The following TUT4 variants were observed in gnomAD, a reference collection of about 807,000 sequenced individuals.
The protein encoded by TUT4 is terminal uridylyltransferase 4.
TUT4 carries 36 observed loss-of-function variants against 192.2 expected under a neutral mutation model. That is an observed-to-expected ratio of 0.19 (90% confidence interval 0.14 to 0.25). The LOEUF is 0.25. TUT4 is among the 10% of genes least tolerant of loss of function. The pLI is 1.00. For synonymous variants in TUT4, 618 were observed against 666.0 expected (o/e 0.93, Z 1.11); for missense variants, 1,493 against 1,957.2 (o/e 0.76, Z 4.47).
intron 9 of TUT4, 107 bp from the exon 10 acceptor site, chr1:52,482,030 A>T: frequency 1.1e-6 from 1 of 899,696 alleles, no homozygotes; most frequent in Non-Finnish European, 1.5e-6. Context: ...TTCAAATGAC[A>T]ATGAAAAATA....
chr1:52,478,994 G>GA (rs373251319), intron 11 of TUT4, among the ~76,000 whole-genome samples: 65 of 150,474 alleles, frequency 4.3e-4, no homozygotes, highest in Admixed American at 9.3e-4. Flanking sequence ...AAGTACTACA[G>GA]AAAAAAAAAG....
chr1:52,506,247 T>C (rs999245703), intron 4 of TUT4, among the ~76,000 whole-genome samples: 1 of 152,244 alleles, frequency 6.6e-6, no homozygotes, highest in South Asian at 2.1e-4. Context: ...AATTTCTGCA[T>C]CTATGTTCAT....
intron 1 of TUT4, among the ~76,000 whole-genome samples, chr1:52,548,170 C>T (rs944409214): frequency 1.3e-5 from 2 of 152,086 alleles, no homozygotes; most frequent in African/African-American, 4.8e-5. Flanking sequence ...ACACCCCTCT[C>T]CAAAAGGTCC....
At chr1:52,504,816 T>C (rs1675100450) in intron 4 of TUT4, among the ~76,000 whole-genome samples, 1 of 152,206 alleles carries the variant, frequency 6.6e-6, no homozygotes, top group Non-Finnish European at 1.5e-5. Context: ...CTCATGTAAG[T>C]GGAATCACAC....
chr1:52,521,943 C>A (rs1571247593), intron 2 of TUT4, among the ~76,000 whole-genome samples: 1 of 151,758 alleles, frequency 6.6e-6, no homozygotes, highest in South Asian at 2.1e-4. Context: ...CCAGCCAGGG[C>A]AAAAGAGCAA....
At chr1:52,448,313 C>T (rs757227179) in intron 20 of TUT4, among the ~76,000 whole-genome samples, 1 of 152,128 alleles carries the variant, frequency 6.6e-6, no homozygotes, top group African/African-American at 2.4e-5. Context: ...TGAGGCCGGG[C>T]GCAGTGGCTC....
chr1:52,437,164 T>C, intron 25 of TUT4, 186 bp from the exon 26 acceptor site: 2 of 664,092 alleles, frequency 3.0e-6, no homozygotes, highest in East Asian at 5.9e-5. Flanking sequence ...CCAGTAGTTT[T>C]GTAAAACAAT....
chr1:52,534,649 T>G (rs1219787930), intron 1 of TUT4, among the ~76,000 whole-genome samples: 1 of 145,426 alleles, frequency 6.9e-6, no homozygotes, highest in Non-Finnish European at 1.5e-5. Context: ...GTTCAGAAGT[T>G]CAAAGCCAGC....
chr1:52,481,761 C>CTA (rs751208527), intron 10 of TUT4, 43 bp downstream of exon 10: 295 of 1,524,396 alleles, frequency 1.9e-4, no homozygotes, highest in Middle Eastern at 7.8e-4. Context: ...CAAGAGCAAA[C>CTA]TATATATATA....
chr1:52,429,417 G>T (rs937418308), intron 28 of TUT4, among the ~76,000 whole-genome samples: 1 of 151,620 alleles, frequency 6.6e-6, no homozygotes, highest in Admixed American at 6.6e-5. Flanking sequence ...ACAGTGGTGT[G>T]TGCCTGTAGT....
intron 26 of TUT4, 95 bp from the exon 27 acceptor site, chr1:52,435,560 A>G (rs1653483829): frequency 3.3e-6 from 3 of 912,564 alleles, no homozygotes; most frequent in East Asian, 2.6e-5. Flanking sequence ...AGAATCTCAA[A>G]TATCTCTGCA....
intron 1 of TUT4, among the ~76,000 whole-genome samples, chr1:52,533,469 T>C (rs540182372): frequency 6.6e-6 from 1 of 152,334 alleles, no homozygotes; most frequent in East Asian, 1.9e-4. Flanking sequence ...GGTTTTGTTG[T>C]TGCTGTTCTC....
intron 1 of TUT4, among the ~76,000 whole-genome samples, chr1:52,538,182 G>T (rs920185932): frequency 1.3e-5 from 2 of 152,144 alleles, no homozygotes; most frequent in African/African-American, 4.8e-5. Flanking sequence ...GTTGCAGTGA[G>T]CCAAGACTGC....
At position 52,423,702 on chromosome 1, in the gene TUT4, C is replaced by T. The variant is rs898420875; in HGVS notation, c.*233G>A. ...CTCAATTTGGTGATACTAGTAAAAA[C>T]TATAGTTCATATTTATATACAAATA... On this transcript the variant is annotated 3_prime_UTR_variant, in exon 30 of 30. Coordinates refer to ENST00000257177, the MANE Select transcript of TUT4 (RefSeq NM_001009881.3). The T allele has an allele frequency of 5.2e-6, 5 of 954,496 alleles. No individual in the cohort carries two copies. Among genetic ancestry groups the T allele is most frequent in the Non-Finnish European group, 7.4e-6 (5 of 675,054 alleles). 59.1% of individuals were successfully genotyped at this position (954,496 alleles called of 1,614,324 possible).
rs902833369 is a variant in TUT4 at position 52,446,777 on chromosome 1, T to C, written c.3436-110A>G. ...CCTATAAGACATACTAAAATACTTC[T>C]TCCAAAAAGAACATGTCAGGATGAT... On this transcript the variant is annotated intron_variant, in intron 20 of 29. Transcript: ENST00000257177. The C allele has an allele frequency of 3.4e-5, 24 of 705,870 alleles. No individual in the cohort carries two copies. The African/African-American group carries it at 4.2e-4, about 12-fold the overall frequency. 43.7% of individuals were successfully genotyped at this position (705,870 alleles called of 1,614,324 possible).
chr1:52,452,922 C>T (rs1050720654), intron 20 of TUT4, among the ~76,000 whole-genome samples: 14 of 152,206 alleles, frequency 9.2e-5, no homozygotes, highest in South Asian at 8.3e-4. Context: ...GGGACTGAGC[C>T]GTCAACCAGT....
chr1:52,440,516 T>C (rs888730109), intron 24 of TUT4, among the ~76,000 whole-genome samples: 10 of 148,872 alleles, frequency 6.7e-5, no homozygotes, highest in African/African-American at 2.5e-4. Flanking sequence ...ATTAAAATCA[T>C]CATCCTAGTT....
At chr1:52,481,739 C>CATTTTAAA in intron 10 of TUT4, 65 bp downstream of exon 10, 1 of 1,544,102 alleles carries the variant, frequency 6.5e-7, no homozygotes, top group Non-Finnish European at 8.7e-7. Context: ...AATGTTTGAG[C>CATTTTAAA]AGAGTTCTCT....
chr1:52,449,455 T>C lies in TUT4; in HGVS notation c.3436-2788A>G, dbSNP rs145519667. Among the ~76,000 whole-genome samples the C allele has an allele frequency of 2.3e-4, 35 of 152,252 alleles. No individual in the cohort carries two copies. The East Asian group carries it at 6.6e-3, about 29-fold the overall frequency. The stretch of plus-strand genomic sequence containing the variant: ...CTGGGATTACAGGCATATGCCACCA[T>C]GCCTGGCTAATTTTTGTATTTTTTA... On this transcript the variant is annotated intron_variant, in intron 20 of 29. Coordinates refer to ENST00000257177, the MANE Select transcript of TUT4 (RefSeq NM_001009881.3).
Sources: gnomAD v4.1 joint callset for allele counts (sites outside exome capture counted in the v4.1 genomes callset) on GRCh38, gnomAD v4.1.1 for gene constraint, MANE v1.5 for transcripts, NCBI Gene and HGNC (gene_info 2026-07-23, HGNC 2026-07-21) for gene names.